LRRTM1: variants seen among roughly 807,000 people sequenced by gnomAD.
LRRTM1 encodes leucine-rich repeat transmembrane neuronal protein 1.
Under a neutral mutation model 37.3 loss-of-function variants are expected in LRRTM1, and 8 were observed. That is an observed-to-expected ratio of 0.21 (90% CI 0.13 to 0.39). LRRTM1 has a LOEUF of 0.39. Among genes scored for constraint, LRRTM1 ranks in the 10% least tolerant of loss-of-function variants. The pLI is 1.00. For synonymous variants in LRRTM1, 326 were observed against 316.8 expected (o/e 1.03, Z -0.31); for missense variants, 557 against 691.0 (o/e 0.81, Z 2.17).
intron 2 of LRRTM1, among the ~76,000 whole-genome samples, chr2:80,292,027 C>T (rs967508692): frequency 3.3e-5 from 5 of 152,130 alleles, no homozygotes; most frequent in South Asian, 2.1e-4. Flanking sequence ...AGGCCCAGTG[C>T]TTTCAGGAAT....
chr2:80,302,234 G>T lies in LRRTM1; in HGVS notation c.*17C>A. On this transcript the variant is annotated 3_prime_UTR_variant, in exon 2 of 2. Coordinates refer to ENST00000295057, the MANE Select transcript of LRRTM1 (RefSeq NM_178839.5). The surrounding 1 kb of genome is among the most constrained non-coding windows in gnomAD (Gnocchi z 6.4). ...AGGCGTATTTGGTAGCGCATGGGTT[G>T]AGAGCCACTGGGACAATCACACCTC... 1 of 1,606,412 alleles carries T rather than the reference G, an allele frequency of 6.2e-7. No homozygotes were observed. Among genetic ancestry groups the T allele is most frequent in the Non-Finnish European group, 8.5e-7 (1 of 1,176,436 alleles).
downstream of LRRTM1, among the ~76,000 whole-genome samples, chr2:80,297,580 G>C (rs569385965): frequency 6.6e-6 from 1 of 152,140 alleles, no homozygotes; most frequent in Non-Finnish European, 1.5e-5. Flanking sequence ...GTTGAGCAAG[G>C]CCAGGAGATG....
chr2:80,289,167 A>G (rs1213082456), exon 3 of LRRTM1: 2 of 152,160 alleles, frequency 1.3e-5, no homozygotes, highest in Non-Finnish European at 2.9e-5. Context: ...TCAGAGAAGG[A>G]GGACTGGGGA....
chr2:80,290,725 A>G (rs766316081), intron 2 of LRRTM1, among the ~76,000 whole-genome samples: 4 of 152,096 alleles, frequency 2.6e-5, no homozygotes, highest in Admixed American at 1.3e-4. Context: ...TCACCCACAT[A>G]AGAAACAATG....
chr2:80,297,037 T>C (rs990454619), downstream of LRRTM1, among the ~76,000 whole-genome samples: 4 of 152,182 alleles, frequency 2.6e-5, no homozygotes, highest in African/African-American at 7.2e-5. Flanking sequence ...TCGGACTGAA[T>C]GTACTGGCCA....
In LRRTM1 at chr2:80,303,100, C is replaced by T; in HGVS notation, c.720G>A (p.Leu240=). ...PRLISLHSLC[L]RRNKVAIVVS... ...CCACAATGGCCACCTTGTTCCTCCG[C>T]AGGCAGAGCGAGTGCAGGGAGATGA... Residue 240 remains leucine, a synonymous_variant, in exon 2 of 2, where the codon CTG becomes CTA. Transcript: ENST00000295057. This position sits in a 1 kb window ranked among gnomAD's most constrained non-coding sequence, Gnocchi z 7.7. 6.2e-7 allele frequency: 1 copy of T among 1,614,096 alleles called. No homozygotes were observed. Among genetic ancestry groups the T allele is most frequent in the South Asian group, 1.1e-5 (1 of 91,076 alleles).
At position 80,302,474 on chromosome 2, in the gene LRRTM1, G is replaced by C. The variant is rs757993915; in HGVS notation, c.1346C>G (p.Ser449Cys). 6 of 1,614,044 alleles carry C rather than the reference G, an allele frequency of 3.7e-6. No individual in the cohort carries two copies. The highest frequency in any genetic ancestry group is 5.1e-6 in the Non-Finnish European group (6 of 1,180,044). ...FLIVVLVLYV[S>C]WKCFPASLRQ... ...GAGGCTGGCTGGGAAACACTTCCAGGACACGTAGAGCACCAGGACCACGAT... is the reference window on the plus strand; with the variant it reads ...GAGGCTGGCTGGGAAACACTTCCAGCACACGTAGAGCACCAGGACCACGAT... Residue 449 changes from serine to cysteine, a missense_variant, in exon 2 of 2, where the codon TCC (serine) becomes TGC (cysteine). Ser to Cys is a moderately radical substitution (Grantham distance 112, BLOSUM62 -1). Coordinates refer to ENST00000295057, the MANE Select transcript of LRRTM1 (RefSeq NM_178839.5). The surrounding 1 kb of genome is among the most constrained non-coding windows in gnomAD (Gnocchi z 6.4).
chr2:80,300,875 T>C (rs555199896), downstream of LRRTM1, among the ~76,000 whole-genome samples: 7 of 150,542 alleles, frequency 4.6e-5, no homozygotes, highest in African/African-American at 1.2e-4. Flanking sequence ...TTTAGTTCAA[T>C]AGAAACTGAA....
downstream of LRRTM1, chr2:80,299,528 A>G (rs1420634265): frequency 6.6e-6 from 1 of 152,190 alleles, no homozygotes; most frequent in Non-Finnish European, 1.5e-5. Context: ...TATGGTCATC[A>G]TTTGCTCTTA....
Position 80,302,642 on chromosome 2 carries a change from G to T in LRRTM1, c.1178C>A (p.Thr393Lys), listed in dbSNP as rs917603256. The T allele has an allele frequency of 4.4e-6, 7 of 1,607,830 alleles. No individual in the cohort carries two copies. Among genetic ancestry groups the T allele is most frequent in the Non-Finnish European group, 3.4e-6 (4 of 1,178,426 alleles). ...CTGCCCCTCCCCGCCGTCCGCGAGC[G>T]TGGTGGCCGAGCTGGCAGGGGGCCC... ...DLGPPASSAT[T>K]LADGGEGQHD... The change falls in exon 2 of 2, where the codon ACG (threonine) becomes AAG (lysine). Residue 393 changes from threonine (T) to lysine (K), a missense_variant. Transcript: ENST00000295057. The surrounding 1 kb of genome is among the most constrained non-coding windows in gnomAD (Gnocchi z 6.4).
rs570215569 is a variant in LRRTM1 at position 80,296,257 on chromosome 2, G to A, written c.*306+5688C>T. On this transcript the variant is annotated intron_variant and NMD_transcript_variant, in intron 2 of 2. Coordinates refer to the LRRTM1 transcript ENST00000417012. The stretch of plus-strand genomic sequence containing the variant: ...TCACATACATTACAGTTTTGGTTGG[G>A]GAAGAAGAAGGCACAGGCTGGTGGG... Among the ~76,000 whole-genome samples, 13 of 152,216 alleles carry A rather than the reference G, an allele frequency of 8.5e-5. No individual in the cohort carries two copies. In the South Asian group the frequency reaches 2.7e-3, roughly 32 times the overall value.
intron 2 of LRRTM1, among the ~76,000 whole-genome samples, chr2:80,289,497 C>T (rs1374273858): frequency 6.6e-6 from 1 of 152,154 alleles, no homozygotes; most frequent in Non-Finnish European, 1.5e-5. Context: ...CTTCTAGGAG[C>T]CAATTGCTCC....
intron 2 of LRRTM1, among the ~76,000 whole-genome samples, chr2:80,293,525 G>GT (rs1675454759): frequency 6.6e-6 from 1 of 152,200 alleles, no homozygotes; most frequent in Non-Finnish European, 1.5e-5. Context: ...ATCTGCTCTT[G>GT]TAAGAGAGCA....
At chr2:80,294,914 G>C (rs902141311) in intron 2 of LRRTM1, among the ~76,000 whole-genome samples, 8 of 152,160 alleles carry the variant, frequency 5.3e-5, no homozygotes, top group African/African-American at 1.9e-4. Flanking sequence ...TGGTGGACCA[G>C]AATAAAGAAA....
chr2:80,302,171 AC>A lies in LRRTM1; in HGVS notation c.*79del. 20 of 1,528,184 alleles carry A rather than the reference AC, an allele frequency of 1.3e-5. No individual in the cohort carries two copies. The highest frequency in any genetic ancestry group is 1.8e-5 in the Non-Finnish European group (20 of 1,135,380). 94.7% of individuals were successfully genotyped at this position (1,528,184 alleles called of 1,614,324 possible). The stretch of plus-strand genomic sequence containing the variant: ...AGCATATCAGAGCACAGACAAGGAG[AC>A]CCCAGCCTGGTGCCCGCCGGCCCGT... On this transcript the variant is annotated 3_prime_UTR_variant, in exon 2 of 2. Transcript: ENST00000295057. The surrounding 1 kb of genome is among the most constrained non-coding windows in gnomAD (Gnocchi z 6.4).
chr2:80,292,562 A>G (rs1442040993), intron 2 of LRRTM1, among the ~76,000 whole-genome samples: 1 of 152,222 alleles, frequency 6.6e-6, no homozygotes. Flanking sequence ...CAAGTAAAAT[A>G]TATGATTAAC....
chr2:80,300,015 G>A (rs1676100041), downstream of LRRTM1, among the ~76,000 whole-genome samples: 1 of 152,070 alleles, frequency 6.6e-6, no homozygotes, highest in African/African-American at 2.4e-5. Flanking sequence ...CTTTAGTAGG[G>A]TTTTAGGTAA....
In LRRTM1 at chr2:80,302,734, C is replaced by G. The variant is rs748233120; in HGVS notation, c.1086G>C (p.Leu362=). 6.2e-7 allele frequency: 1 copy of G among 1,613,126 alleles called. No individual in the cohort carries two copies. The highest frequency in any genetic ancestry group is 1.7e-5 in the Admixed American group (1 of 60,006). ...DVLDAVYAFH[L]CEDGAEPTSG... Reference sequence around the variant, plus strand: ...TGGTGGGCTCGGCCCCATCCTCGCACAGGTGGAAGGCGTACACGGCGTCCA... The same window carrying G: ...TGGTGGGCTCGGCCCCATCCTCGCAGAGGTGGAAGGCGTACACGGCGTCCA... Residue 362 remains leucine, a synonymous_variant, in exon 2 of 2, where the codon CTG becomes CTC. Transcript: ENST00000295057. The surrounding 1 kb of genome is among the most constrained non-coding windows in gnomAD (Gnocchi z 6.4).
chr2:80,293,370 G>A (rs1019336516), intron 2 of LRRTM1, among the ~76,000 whole-genome samples: 1 of 152,198 alleles, frequency 6.6e-6, no homozygotes, highest in African/African-American at 2.4e-5. Context: ...AATATTGAGA[G>A]TTCTTCACTG....
Sources: allele counts gnomAD v4.1 joint callset (sites outside exome capture counted in the v4.1 genomes callset), GRCh38; gene constraint gnomAD v4.1.1; non-coding constraint Gnocchi (gnomAD v3.1); transcripts MANE v1.5; gene names NCBI Gene and HGNC (gene_info 2026-07-23, HGNC 2026-07-21).